Variants in TRIM75 observed in about 807,000 individuals in gnomAD.
TRIM75 encodes the protein tripartite motif containing 75.
At chr4:165,055,979 G>C in the TRIM75 span, among the ~76,000 whole-genome samples, 1 of 146,798 alleles carries the variant, frequency 6.8e-6, no homozygotes, top group African/African-American at 2.5e-5. Context: ...GAAGTGGTGC[G>C]ATCTCAGCTC....
chr4:165,059,974 G>A, the TRIM75 span: 3 of 778,290 alleles, frequency 3.9e-6, no homozygotes, highest in South Asian at 2.7e-5. Flanking sequence ...AGAGATGGCT[G>A]CAGTTTTCCT....
At chr4:165,055,809 G>T in the TRIM75 span, among the ~76,000 whole-genome samples, 1 of 152,134 alleles carries the variant, frequency 6.6e-6, no homozygotes, top group Non-Finnish European at 1.5e-5. Context: ...TATGCTAGGC[G>T]TGGTGGTTCA....
At chr4:165,060,229 G>A in the TRIM75 span, 1 of 780,912 alleles carries the variant, frequency 1.3e-6, no homozygotes, top group Non-Finnish European at 2.4e-6. Context: ...AAGTCAGAAT[G>A]GGCTATTGGC....
chr4:165,059,380 C>T, the TRIM75 span: 1 of 780,594 alleles, frequency 1.3e-6, no homozygotes, highest in East Asian at 2.4e-5. Flanking sequence ...ATTGAAATTG[C>T]CAAGCTACTC....
the TRIM75 span, among the ~76,000 whole-genome samples, chr4:165,057,797 G>A: frequency 1.8e-4 from 28 of 152,274 alleles, no homozygotes; most frequent in Non-Finnish European, 3.1e-4. Flanking sequence ...GCCTCCCAAA[G>A]TGCTGGGATT....
At chr4:165,058,022 A>C in the TRIM75 span, among the ~76,000 whole-genome samples, 2 of 152,112 alleles carry the variant, frequency 1.3e-5, no homozygotes, top group South Asian at 4.1e-4. Context: ...TATTTTCGCA[A>C]ATTTTGTTTA....
chr4:165,057,143 T>C, the TRIM75 span, among the ~76,000 whole-genome samples: 691 of 152,340 alleles, frequency 4.5e-3, 7 homozygotes, highest in African/African-American at 0.016. Flanking sequence ...ACATGTAATA[T>C]AGTTTATTCT....
At chr4:165,057,505 A>G in the TRIM75 span, among the ~76,000 whole-genome samples, 1 of 152,154 alleles carries the variant, frequency 6.6e-6, no homozygotes, top group African/African-American at 2.4e-5. Context: ...ATGTCAAAGG[A>G]AAAACTTTTT....
chr4:165,060,502 T>C, the TRIM75 span: 13 of 778,596 alleles, frequency 1.7e-5, no homozygotes, highest in Non-Finnish European at 2.9e-5. Context: ...TATTTCTATG[T>C]AGGACCAGAT....
chr4:165,059,390 C>T, the TRIM75 span: 1 of 780,806 alleles, frequency 1.3e-6, no homozygotes, highest in African/African-American at 1.7e-5. Context: ...CCAAGCTACT[C>T]CAGAGCACCA....
At chr4:165,059,945 C>T in the TRIM75 span, 1 of 779,406 alleles carries the variant, frequency 1.3e-6, no homozygotes, top group Non-Finnish European at 2.4e-6. Flanking sequence ...GCCCATCGAT[C>T]TTTTCAATTC....
At chr4:165,055,923 CT>C in the TRIM75 span, among the ~76,000 whole-genome samples, 58 of 135,556 alleles carry the variant, frequency 4.3e-4, no homozygotes, top group African/African-American at 5.2e-4. Context: ...CTCTCTCTCC[CT>C]TTTTTTTTTT....
chr4:165,060,486 C>T, the TRIM75 span: 69 of 779,298 alleles, frequency 8.9e-5, no homozygotes, highest in Non-Finnish European at 1.2e-4. Context: ...TGGGCCTCTT[C>T]GGCCTTATTT....
the TRIM75 span, among the ~76,000 whole-genome samples, chr4:165,057,077 T>C: frequency 6.6e-6 from 1 of 152,342 alleles, no homozygotes; most frequent in African/African-American, 2.4e-5. Flanking sequence ...TATTTGGTGC[T>C]ATTATTTTGC....
the TRIM75 span, among the ~76,000 whole-genome samples, chr4:165,058,172 T>C: frequency 6.6e-6 from 1 of 151,954 alleles, no homozygotes; most frequent in African/African-American, 2.4e-5. Flanking sequence ...ATACTTTTTG[T>C]TTTTTTCTAA....
At chr4:165,056,773 C>T in the TRIM75 span, among the ~76,000 whole-genome samples, 14 of 152,090 alleles carry the variant, frequency 9.2e-5, no homozygotes, top group Middle Eastern at 3.4e-3. Context: ...CACCACCATG[C>T]CCGGCTAATT....
the TRIM75 span, chr4:165,059,158 C>T: frequency 3.9e-6 from 3 of 775,514 alleles, no homozygotes; most frequent in Admixed American, 5.1e-5. Flanking sequence ...ATGGCAGTGG[C>T]AGCAGCTCTG....
At chr4:165,057,994 A>C in the TRIM75 span, among the ~76,000 whole-genome samples, 26 of 152,302 alleles carry the variant, frequency 1.7e-4, no homozygotes, top group African/African-American at 6.0e-4. Context: ...ATGACATTTT[A>C]GTAGTAAATA....
the TRIM75 span, among the ~76,000 whole-genome samples, chr4:165,054,526 CA>C: frequency 7.1e-3 from 1,079 of 152,206 alleles, 15 homozygotes; most frequent in African/African-American, 0.024. Context: ...CGTGGCCTCC[CA>C]AAGTGCTGGG....
Sources: gnomAD v4.1 joint callset for allele counts (sites outside exome capture counted in the v4.1 genomes callset) on GRCh38, gnomAD v4.1.1 for gene constraint, MANE v1.5 for transcripts, NCBI Gene and HGNC (gene_info 2026-07-23, HGNC 2026-07-21) for gene names.